UNC5D: variants seen among roughly 807,000 people sequenced by gnomAD.
UNC5D encodes the protein netrin receptor UNC5D.
Under a neutral mutation model 105.4 loss-of-function variants are expected in UNC5D, and 39 were observed. The ratio of observed to expected loss-of-function variants is 0.37; its 90% CI spans 0.29 to 0.48. The LOEUF (loss-of-function observed/expected upper bound fraction) is 0.48, where lower values mean the gene tolerates loss of function less well. UNC5D is among the 20% of genes least tolerant of loss of function. The pLI is 0.98. For synonymous variants in UNC5D, 452 were observed against 450.4 expected (o/e 1.00, Z -0.04); for missense variants, 991 against 1,202.4 (o/e 0.82, Z 2.60).
intron 1 of UNC5D, among the ~76,000 whole-genome samples, chr8:35,478,015 T>A (rs1810236177): frequency 6.6e-6 from 1 of 152,184 alleles, no homozygotes; most frequent in Non-Finnish European, 1.5e-5. Flanking sequence ...GAAAGCCTTA[T>A]ATTAATCAAT....
At chr8:35,747,870 A>G (rs1048912808) in intron 11 of UNC5D, among the ~76,000 whole-genome samples, 3 of 152,232 alleles carry the variant, frequency 2.0e-5, no homozygotes, top group Non-Finnish European at 4.4e-5. Context: ...GGATTGAATG[A>G]TTTTAAATTT....
chr8:35,628,351 C>G (rs1030689442), intron 4 of UNC5D, among the ~76,000 whole-genome samples: 3 of 152,114 alleles, frequency 2.0e-5, no homozygotes, highest in Non-Finnish European at 1.5e-5. Context: ...CCAGGCTTGT[C>G]TTGAATTCCT....
chr8:35,249,967 A>G (rs1286036026), intron 1 of UNC5D, among the ~76,000 whole-genome samples: 1 of 151,804 alleles, frequency 6.6e-6, no homozygotes, highest in Non-Finnish European at 1.5e-5. Context: ...CATCTGTAGT[A>G]TTTTCACCTA....
intron 1 of UNC5D, among the ~76,000 whole-genome samples, chr8:35,251,063 A>T (rs1803664317): frequency 6.6e-6 from 1 of 152,198 alleles, no homozygotes; most frequent in Non-Finnish European, 1.5e-5. Context: ...TGACAAAAGC[A>T]TAAGGTATGA....
At chr8:35,780,419 A>T (rs1285563839) in intron 16 of UNC5D, among the ~76,000 whole-genome samples, 1 of 152,152 alleles carries the variant, frequency 6.6e-6, no homozygotes, top group African/African-American at 2.4e-5. Context: ...CCATCCTATT[A>T]ATTGGATGCA....
chr8:35,570,981 G>A (rs1295971130), intron 3 of UNC5D, among the ~76,000 whole-genome samples: 4 of 151,360 alleles, frequency 2.6e-5, no homozygotes, highest in Non-Finnish European at 4.4e-5. Flanking sequence ...GAGAGAGAGA[G>A]AGAAAGAATG....
intron 1 of UNC5D, among the ~76,000 whole-genome samples, chr8:35,461,135 G>A (rs186041999): frequency 3.3e-5 from 5 of 152,290 alleles, no homozygotes; most frequent in African/African-American, 4.8e-5. Flanking sequence ...TTGCTGATGC[G>A]GGATGTTAGC....
chr8:35,532,175 C>T (rs1397059056), intron 1 of UNC5D, among the ~76,000 whole-genome samples: 7 of 147,326 alleles, frequency 4.8e-5, no homozygotes, highest in Non-Finnish European at 7.5e-5. Flanking sequence ...GATTTTGCAG[C>T]GGCTGGTACC....
chr8:35,468,089 T>C (rs185336706), intron 1 of UNC5D, among the ~76,000 whole-genome samples: 1 of 152,312 alleles, frequency 6.6e-6, no homozygotes, highest in East Asian at 1.9e-4. Flanking sequence ...TTACTATGAA[T>C]TAGATAAATT....
chr8:35,606,552 G>C (rs1368491088), intron 4 of UNC5D, among the ~76,000 whole-genome samples: 8 of 152,126 alleles, frequency 5.3e-5, no homozygotes, highest in Non-Finnish European at 1.0e-4. Context: ...CCCACAGGTA[G>C]CTTCTTGATC....
intron 1 of UNC5D, among the ~76,000 whole-genome samples, chr8:35,271,576 G>T (rs1585462709): frequency 7.0e-6 from 1 of 142,146 alleles, no homozygotes; most frequent in Non-Finnish European, 1.5e-5. Flanking sequence ...ATTTATACAG[G>T]CATACATATA....
intron 1 of UNC5D, among the ~76,000 whole-genome samples, chr8:35,343,456 A>T (rs1411533664): frequency 6.6e-6 from 1 of 152,054 alleles, no homozygotes; most frequent in Non-Finnish European, 1.5e-5. Context: ...TATGATACAC[A>T]GTCCTCTTTT....
chr8:35,270,936 TA>T (rs1805238073), intron 1 of UNC5D, among the ~76,000 whole-genome samples: 1 of 151,914 alleles, frequency 6.6e-6, no homozygotes. Context: ...TATATATATA[TA>T]TATTATGGAT....
intron 1 of UNC5D, among the ~76,000 whole-genome samples, chr8:35,342,828 A>T (rs116820089): frequency 0.012 from 1,803 of 152,218 alleles, 39 homozygotes; most frequent in African/African-American, 0.042. Flanking sequence ...CTCTACATAT[A>T]TCTAACATAG....
intron 1 of UNC5D, among the ~76,000 whole-genome samples, chr8:35,288,272 C>T (rs1461133118): frequency 2.0e-5 from 3 of 152,114 alleles, no homozygotes; most frequent in Middle Eastern, 3.4e-3. Flanking sequence ...ACAGAAATCC[C>T]ACAGGCCATG....
chr8:35,443,908 G>T (rs1807600897), intron 1 of UNC5D, among the ~76,000 whole-genome samples: 1 of 151,848 alleles, frequency 6.6e-6, no homozygotes, highest in South Asian at 2.1e-4. Flanking sequence ...CCTCTTAAAA[G>T]ATATAAGAAA....
At chr8:35,594,937 C>A (rs192920513) in intron 3 of UNC5D, among the ~76,000 whole-genome samples, 1 of 152,250 alleles carries the variant, frequency 6.6e-6, no homozygotes, top group East Asian at 1.9e-4. Flanking sequence ...AAGGGCACTA[C>A]CCAAATACCC....
Position 35,514,630 on chromosome 8 carries a change from T to G in UNC5D, c.104-34662T>G, listed in dbSNP as rs543544522. Among the ~76,000 whole-genome samples the G allele has an allele frequency of 3.3e-5, 5 of 152,370 alleles. No homozygotes were observed. The East Asian group carries it at 9.6e-4, about 29-fold the overall frequency. On this transcript the variant is annotated intron_variant, in intron 1 of 16. Transcript: ENST00000404895. ...GCTTTGAACATTGCTTTATGTTGTTTGAATTTAGCATTTCTCTGGCTTTTT... is the reference window on the plus strand; with the variant it reads ...GCTTTGAACATTGCTTTATGTTGTTGGAATTTAGCATTTCTCTGGCTTTTT...
chr8:35,724,906 A>G (rs950218039), intron 9 of UNC5D, among the ~76,000 whole-genome samples: 10 of 152,206 alleles, frequency 6.6e-5, no homozygotes, highest in African/African-American at 2.4e-4. Flanking sequence ...CCCTGATGGT[A>G]CCTGGGTCTT....
Sources: gnomAD v4.1 joint callset for allele counts (sites outside exome capture counted in the v4.1 genomes callset) on GRCh38, gnomAD v4.1.1 for gene constraint, MANE v1.5 for transcripts, NCBI Gene and HGNC (gene_info 2026-07-23, HGNC 2026-07-21) for gene names.